Variants in HAO1 observed in about 807,000 individuals in gnomAD.
HAO1 encodes hydroxyacid oxidase 1, also known as 2-Hydroxyacid oxidase 1.
A neutral mutation model predicts 39.7 loss-of-function variants in HAO1; 34 were observed. The ratio of observed to expected loss-of-function variants is 0.86; its 90% CI spans 0.65 to 1.14. The LOEUF is 1.14. Among genes scored for constraint, HAO1 ranks in the 50% most tolerant of loss-of-function variants. HAO1 has a pLI of 0.00. For missense variants in HAO1, 479 were observed against 464.5 expected, an observed-to-expected ratio of 1.03 and a Z score of -0.29; for synonymous variants, 172 against 173.2, an observed-to-expected ratio of 0.99 and a Z score of 0.05.
intron 3 of HAO1, among the ~76,000 whole-genome samples, chr20:7,912,459 T>C (rs1244175167): frequency 1.3e-5 from 2 of 151,980 alleles, no homozygotes; most frequent in South Asian, 2.1e-4. Context: ...TTGTTAGTAG[T>C]AGTAGTGTTA....
chr20:7,896,748 G>A (rs926857221), intron 4 of HAO1, among the ~76,000 whole-genome samples: 11 of 151,988 alleles, frequency 7.2e-5, no homozygotes, highest in Non-Finnish European at 1.0e-4. Flanking sequence ...TCCATTTACT[G>A]TGAAACTTCA....
At chr20:7,922,231 A>G (rs1327970287) in intron 2 of HAO1, among the ~76,000 whole-genome samples, 1 of 152,198 alleles carries the variant, frequency 6.6e-6, no homozygotes, top group African/African-American at 2.4e-5. Flanking sequence ...GGAAATTTAA[A>G]TTAAAATCAT....
At chr20:7,893,425 A>G (rs1046560990) in intron 5 of HAO1, among the ~76,000 whole-genome samples, 1 of 152,192 alleles carries the variant, frequency 6.6e-6, no homozygotes, top group African/African-American at 2.4e-5. Flanking sequence ...AGGACTAACA[A>G]ATTAGTCACA....
At chr20:7,887,525 A>G (rs1260300994) in intron 5 of HAO1, among the ~76,000 whole-genome samples, 1 of 152,188 alleles carries the variant, frequency 6.6e-6, no homozygotes, top group African/African-American at 2.4e-5. Context: ...TGCCTTGCCA[A>G]ACATGCTTTG....
At chr20:7,898,631 G>A (rs1473480465) in intron 4 of HAO1, among the ~76,000 whole-genome samples, 1 of 152,078 alleles carries the variant, frequency 6.6e-6, no homozygotes, top group African/African-American at 2.4e-5. Flanking sequence ...AAATGTTCTA[G>A]ATCTGTGCAC....
At chr20:7,914,139 T>C in intron 3 of HAO1, 25 bp downstream of exon 3, 1 of 1,611,998 alleles carries the variant, frequency 6.2e-7, no homozygotes, top group South Asian at 1.1e-5. Flanking sequence ...TCGCCTCAGC[T>C]CGGGGCCCAC....
At chr20:7,928,672 C>T (rs1028973580) in intron 2 of HAO1, among the ~76,000 whole-genome samples, 4 of 152,002 alleles carry the variant, frequency 2.6e-5, no homozygotes, top group African/African-American at 9.7e-5. Context: ...TCAAGTAGCT[C>T]ACTTTATCAA....
intron 1 of HAO1, 35 bp from the exon 2 acceptor site, chr20:7,934,670 T>C: frequency 7.2e-7 from 1 of 1,383,968 alleles, no homozygotes. Context: ...TAAAAGGCTT[T>C]AGAGTTTCAG....
chr20:7,903,852 T>C (rs2050234489), intron 4 of HAO1, among the ~76,000 whole-genome samples: 1 of 130,780 alleles, frequency 7.6e-6, no homozygotes, highest in African/African-American at 3.1e-5. Flanking sequence ...ATGGAGATTG[T>C]GGTAGCGGTG....
At chr20:7,906,917 C>T (rs1033421240) in intron 3 of HAO1, among the ~76,000 whole-genome samples, 2 of 152,208 alleles carry the variant, frequency 1.3e-5, no homozygotes, top group African/African-American at 2.4e-5. Flanking sequence ...TAACACTATT[C>T]TCTTTGCTCA....
intron 5 of HAO1, among the ~76,000 whole-genome samples, 196 bp from the exon 6 acceptor site, chr20:7,886,060 T>C (rs2050149834): frequency 6.6e-6 from 1 of 152,174 alleles, no homozygotes; most frequent in South Asian, 2.1e-4. Flanking sequence ...CAACTAAATT[T>C]GGAAATGAGC....
chr20:7,918,374 C>T (rs183926443), intron 2 of HAO1, among the ~76,000 whole-genome samples: 3 of 152,234 alleles, frequency 2.0e-5, no homozygotes, highest in Admixed American at 2.0e-4. Flanking sequence ...AAGAATTTGC[C>T]TATTTCTTAA....
chr20:7,914,608 G>T (rs1029122380), intron 2 of HAO1, among the ~76,000 whole-genome samples, 189 bp from the exon 3 acceptor site: 13 of 152,100 alleles, frequency 8.5e-5, no homozygotes, highest in African/African-American at 3.1e-4. Flanking sequence ...GATACAAATG[G>T]CTACTGGAGT....
At chr20:7,912,641 G>T (rs537115959) in intron 3 of HAO1, among the ~76,000 whole-genome samples, 1 of 152,020 alleles carries the variant, frequency 6.6e-6, no homozygotes, top group Non-Finnish European at 1.5e-5. Context: ...CATATTGGGG[G>T]AATTTGAATC....
chr20:7,936,994 C>T (rs2050415718), intron 1 of HAO1, among the ~76,000 whole-genome samples: 1 of 152,030 alleles, frequency 6.6e-6, no homozygotes, highest in African/African-American at 2.4e-5. Context: ...TGGGCCTCCA[C>T]TTTGGAAAAA....
At chr20:7,890,786 G>T (rs1019942220) in intron 5 of HAO1, among the ~76,000 whole-genome samples, 11 of 152,048 alleles carry the variant, frequency 7.2e-5, no homozygotes, top group African/African-American at 2.7e-4. Flanking sequence ...ATATCAGTGA[G>T]AACATACGAT....
chr20:7,889,503 A>T (rs2050164400), intron 5 of HAO1, among the ~76,000 whole-genome samples: 1 of 152,242 alleles, frequency 6.6e-6, no homozygotes, highest in East Asian at 1.9e-4. Context: ...TCTGGATCAC[A>T]TTATAACCAT....
intron 5 of HAO1, among the ~76,000 whole-genome samples, chr20:7,894,864 A>T (rs1235676030): frequency 6.6e-6 from 1 of 152,208 alleles, no homozygotes; most frequent in Non-Finnish European, 1.5e-5. Flanking sequence ...TGAATGCCAG[A>T]ATAATCCTTG....
At chr20:7,920,072 G>A (rs886527597) in intron 2 of HAO1, among the ~76,000 whole-genome samples, 68 of 152,024 alleles carry the variant, frequency 4.5e-4, no homozygotes, top group African/African-American at 1.5e-3. Context: ...TTAATCCCAC[G>A]CATCAAGGCA....
Sources: allele counts gnomAD v4.1 joint callset (sites outside exome capture counted in the v4.1 genomes callset), GRCh38; gene constraint gnomAD v4.1.1; transcripts MANE v1.5; gene names NCBI Gene and HGNC (gene_info 2026-07-23, HGNC 2026-07-21).